Variants in SORCS2 observed in about 807,000 individuals in gnomAD.
The protein encoded by SORCS2 is sortilin related VPS10 domain containing receptor 2.
Under a neutral mutation model 141.6 loss-of-function variants are expected in SORCS2, and 100 were observed. The ratio of observed to expected loss-of-function variants is 0.71; its 90% CI spans 0.60 to 0.83. SORCS2 has a LOEUF of 0.83. Ranked by LOEUF, SORCS2 falls within the 40% of genes least tolerant of loss-of-function variation. The pLI, the probability that SORCS2 is intolerant of heterozygous loss-of-function variation, is 0.00. For missense variants in SORCS2, 1,646 were observed against 1,560.2 expected (o/e 1.05, Z -0.93); for synonymous variants, 789 against 676.9 (o/e 1.17, Z -2.57).
chr4:7,267,442 G>C (rs938098416), intron 1 of SORCS2, among the ~76,000 whole-genome samples: 7 of 152,118 alleles, frequency 4.6e-5, no homozygotes, highest in African/African-American at 1.7e-4. Context: ...GCAGGCTGGG[G>C]CGAGGTCTCT....
Position 7,193,356 on chromosome 4 carries a change from C to T in SORCS2, c.480+230C>T, listed in dbSNP as rs1306745197. ...GCTTGTCTCACCGCAGGGGACATTCCCGCAGATTTCGGGATCCTGGGCCAC... is the reference window on the plus strand; with the variant it reads ...GCTTGTCTCACCGCAGGGGACATTCTCGCAGATTTCGGGATCCTGGGCCAC... On this transcript the variant is annotated intron_variant, in intron 1 of 26. Coordinates refer to ENST00000507866, the MANE Select transcript of SORCS2 (RefSeq NM_020777.3). This position sits in a 1 kb window ranked among gnomAD's most constrained non-coding sequence, Gnocchi z 4.8. Among the ~76,000 whole-genome samples, 1 of 152,200 alleles carries T rather than the reference C, an allele frequency of 6.6e-6. No individual in the cohort carries two copies. Among genetic ancestry groups the T allele is most frequent in the Non-Finnish European group, 1.5e-5 (1 of 68,032 alleles).
intron 2 of SORCS2, among the ~76,000 whole-genome samples, chr4:7,462,317 T>C (rs1489860578): frequency 6.6e-6 from 1 of 152,184 alleles, no homozygotes; most frequent in East Asian, 1.9e-4. Flanking sequence ...ATCACGTACC[T>C]TCATGAGCCT....
intron 4 of SORCS2, among the ~76,000 whole-genome samples, chr4:7,643,415 A>T (rs892377072): frequency 2.6e-5 from 4 of 152,196 alleles, no homozygotes; most frequent in Admixed American, 2.6e-4. Flanking sequence ...CTAAAAGCAT[A>T]AACTCACTTT....
chr4:7,343,281 A>T (rs938866752), intron 1 of SORCS2, among the ~76,000 whole-genome samples: 1 of 152,218 alleles, frequency 6.6e-6, no homozygotes, highest in Non-Finnish European at 1.5e-5. Context: ...TTTGGGTGTC[A>T]TGCCAAAGTG....
At chr4:7,413,996 G>A (rs868221140) in intron 2 of SORCS2, among the ~76,000 whole-genome samples, 1 of 152,220 alleles carries the variant, frequency 6.6e-6, no homozygotes, top group East Asian at 1.9e-4. Context: ...GGAGGATGTA[G>A]AGACGAAAGA....
At chr4:7,289,853 G>T (rs1387078050) in intron 1 of SORCS2, among the ~76,000 whole-genome samples, 7 of 152,150 alleles carry the variant, frequency 4.6e-5, no homozygotes, top group Admixed American at 4.6e-4. Flanking sequence ...ACGCTGCAGG[G>T]CCTCCCCTTT....
chr4:7,698,844 C>A (rs1011511014), intron 12 of SORCS2, among the ~76,000 whole-genome samples: 1 of 124,912 alleles, frequency 8.0e-6, no homozygotes, highest in Non-Finnish European at 1.7e-5. Flanking sequence ...GGGAGAGATG[C>A]TCCTGTGGGT....
At chr4:7,382,120 G>A (rs1723026886) in intron 1 of SORCS2, 2 of 384,124 alleles carry the variant, frequency 5.2e-6, no homozygotes, top group South Asian at 2.1e-4. Flanking sequence ...TGGTGCTGCT[G>A]GTGGAGCGGG....
intron 14 of SORCS2, among the ~76,000 whole-genome samples, chr4:7,711,597 G>C (rs923428264): frequency 7.9e-5 from 12 of 152,230 alleles, no homozygotes; most frequent in African/African-American, 2.4e-4. Flanking sequence ...GAGGGATGGA[G>C]TGGAAGGCAC....
chr4:7,397,389 G>A (rs1724281723), intron 2 of SORCS2, among the ~76,000 whole-genome samples: 1 of 151,908 alleles, frequency 6.6e-6, no homozygotes, highest in Admixed American at 6.6e-5. Flanking sequence ...CCAAGCTCAG[G>A]GTTTAAGACA....
chr4:7,277,859 A>C (rs900200681), intron 1 of SORCS2, among the ~76,000 whole-genome samples: 42 of 152,280 alleles, frequency 2.8e-4, no homozygotes, highest in African/African-American at 9.6e-4. Context: ...GATGGTGGCT[A>C]GGAGTGCCTA....
intron 3 of SORCS2, among the ~76,000 whole-genome samples, chr4:7,582,952 C>A (rs78290517): frequency 6.6e-6 from 1 of 152,322 alleles, no homozygotes; most frequent in Non-Finnish European, 1.5e-5. Context: ...GGGCTTATTC[C>A]TTGAACACAG....
chr4:7,350,209 T>C (rs759181012), intron 1 of SORCS2, among the ~76,000 whole-genome samples: 1 of 152,248 alleles, frequency 6.6e-6, no homozygotes, highest in African/African-American at 2.4e-5. Flanking sequence ...GAAGGGAATC[T>C]GTCCTTCCAA....
chr4:7,445,608 C>T (rs757941077), intron 2 of SORCS2, among the ~76,000 whole-genome samples: 3 of 151,990 alleles, frequency 2.0e-5, no homozygotes, highest in Admixed American at 1.3e-4. Flanking sequence ...CAGAACAGGG[C>T]GGGATGGAGG....
intron 2 of SORCS2, among the ~76,000 whole-genome samples, chr4:7,408,126 A>T (rs1002682150): frequency 1.3e-5 from 2 of 152,138 alleles, no homozygotes; most frequent in Non-Finnish European, 2.9e-5. Context: ...TTATGGTATT[A>T]GAGTATTCTG....
chr4:7,696,271 G>A (rs539374910), intron 11 of SORCS2, among the ~76,000 whole-genome samples: 1 of 152,174 alleles, frequency 6.6e-6, no homozygotes, highest in South Asian at 2.1e-4. Flanking sequence ...CGTCATCAGG[G>A]TCCCCATCAT....
intron 3 of SORCS2, among the ~76,000 whole-genome samples, chr4:7,635,845 T>C (rs1720208499): frequency 6.6e-6 from 1 of 152,180 alleles, no homozygotes; most frequent in African/African-American, 2.4e-5. Context: ...GTCAGGCCCT[T>C]GGTGTGCTGG....
intron 3 of SORCS2, among the ~76,000 whole-genome samples, chr4:7,582,420 T>A (rs1716218648): frequency 6.6e-6 from 1 of 152,204 alleles, no homozygotes; most frequent in Non-Finnish European, 1.5e-5. Flanking sequence ...CTGGATGATT[T>A]TACATCGTCA....
chr4:7,685,743 T>C (rs535567065), intron 10 of SORCS2, among the ~76,000 whole-genome samples: 1 of 152,180 alleles, frequency 6.6e-6, no homozygotes, highest in African/African-American at 2.4e-5. Context: ...ATCCTGTGTG[T>C]GTGGCCATGG....
Sources: gnomAD v4.1 joint callset for allele counts (sites outside exome capture counted in the v4.1 genomes callset) on GRCh38, gnomAD v4.1.1 for gene constraint, Gnocchi (gnomAD v3.1) non-coding constraint, MANE v1.5 for transcripts, NCBI Gene and HGNC (gene_info 2026-07-23, HGNC 2026-07-21) for gene names.